The following FUT8 variants were observed in gnomAD, a reference collection of about 807,000 sequenced individuals.
The protein encoded by FUT8 is fucosyltransferase 8.
In FUT8, 29 loss-of-function variants were observed where a neutral mutation model predicts 71.3. The observed-to-expected ratio is 0.41, with a 90% CI of 0.30 to 0.55. The LOEUF is 0.55. Among genes scored for constraint, FUT8 ranks in the 20% least tolerant of loss-of-function variants. The pLI, the probability that FUT8 is intolerant of heterozygous loss-of-function variation, is 0.34. For synonymous variants in FUT8, 254 were observed against 239.3 expected, an observed-to-expected ratio of 1.06 and a Z score of -0.57; for missense variants, 544 against 702.1, an observed-to-expected ratio of 0.77 and a Z score of 2.55.
At chr14:65,567,890 T>A (rs1886276920) in intron 3 of FUT8, among the ~76,000 whole-genome samples, 3 of 151,952 alleles carry the variant, frequency 2.0e-5, no homozygotes, top group African/African-American at 7.2e-5. Flanking sequence ...GATTTTTCCT[T>A]CTTGTGATGT....
chr14:65,416,500 C>A (rs1363983547), intron 1 of FUT8, among the ~76,000 whole-genome samples: 1 of 152,052 alleles, frequency 6.6e-6, no homozygotes, highest in Non-Finnish European at 1.5e-5. Flanking sequence ...TCTGTTGATA[C>A]TTTTCAAAGG....
chr14:65,617,218 C>T (rs1256651565), intron 5 of FUT8: 1 of 1,502,104 alleles, frequency 6.7e-7, no homozygotes. Context: ...TTATTAACAT[C>T]AGCAGCAATA....
At chr14:65,478,248 G>T (rs1566773307) in intron 2 of FUT8, among the ~76,000 whole-genome samples, 1 of 151,924 alleles carries the variant, frequency 6.6e-6, no homozygotes, top group African/African-American at 2.4e-5. Context: ...AGTCCCCAAG[G>T]CCCCCCAGTG....
chr14:65,492,498 C>T (rs2066496703), intron 2 of FUT8, among the ~76,000 whole-genome samples: 1 of 152,132 alleles, frequency 6.6e-6, no homozygotes, highest in Non-Finnish European at 1.5e-5. Flanking sequence ...ATGTCACTTC[C>T]TTTTTCTGTA....
intron 3 of FUT8, among the ~76,000 whole-genome samples, chr14:65,611,279 ACACACACACACACACACACACACC>A (rs1194158388): frequency 0.04 from 2,094 of 51,914 alleles, 282 homozygotes; most frequent in Admixed American, 0.053. Flanking sequence ...ACACACACAC[ACACACACACACACACACACACACC>A]CCCCAAGTAA....
intron 1 of FUT8, among the ~76,000 whole-genome samples, chr14:65,448,415 G>A (rs907332161): frequency 6.6e-6 from 1 of 152,136 alleles, no homozygotes; most frequent in African/African-American, 2.4e-5. Context: ...CTACTTTCCA[G>A]CTAAGATTTA....
At chr14:65,494,274 T>G (rs2066526176) in intron 2 of FUT8, among the ~76,000 whole-genome samples, 1 of 152,204 alleles carries the variant, frequency 6.6e-6, no homozygotes, top group Admixed American at 6.6e-5. Context: ...AGTTTTACAT[T>G]CTTTTATTCA....
chr14:65,507,208 C>T (rs966849310), intron 2 of FUT8, among the ~76,000 whole-genome samples: 16 of 152,148 alleles, frequency 1.1e-4, no homozygotes, highest in African/African-American at 3.9e-4. Context: ...TCCTTTATTA[C>T]TAGTTTAATT....
At chr14:65,633,004 T>C (rs866354216) in intron 6 of FUT8, among the ~76,000 whole-genome samples, 3,315 of 77,152 alleles carry the variant, frequency 0.043, 6 homozygotes, top group African/African-American at 0.052. Flanking sequence ...CCCTCTCCCC[T>C]CCCCCCCCCC....
rs776689040 is a variant in FUT8 at position 65,724,189 on chromosome 14, C to T, written c.1125C>T (p.Ala375=). 8 of 1,607,334 alleles carry T rather than the reference C, an allele frequency of 5.0e-6. No individual in the cohort carries two copies. The highest frequency in any genetic ancestry group is 4.5e-5 in the East Asian group (2 of 44,596). The change falls in exon 9 of 11, where the codon GCC becomes GCT. Residue 375 remains alanine, a synonymous_variant. Coordinates refer to ENST00000673929, the MANE Select transcript of FUT8 (RefSeq NM_001371533.1). ...CAGACAAAGTGGGAACAGAAGCTGCCTTCCATCCCATTGAAGAGTACATGG... is the reference window on the plus strand; with the variant it reads ...CAGACAAAGTGGGAACAGAAGCTGCTTTCCATCCCATTGAAGAGTACATGG... ...RRTDKVGTEA[A]FHPIEEYMVH... is the part of the protein sequence containing the mutation.
At chr14:65,571,189 C>T (rs1180110108) in intron 3 of FUT8, among the ~76,000 whole-genome samples, 1 of 152,000 alleles carries the variant, frequency 6.6e-6, no homozygotes, top group Non-Finnish European at 1.5e-5. Flanking sequence ...TGTCAGTAAT[C>T]TTTTTCAATG....
the FUT8 span, among the ~76,000 whole-genome samples, chr14:65,364,147 C>G: frequency 6.6e-6 from 1 of 152,304 alleles, no homozygotes; most frequent in South Asian, 2.1e-4. Flanking sequence ...CAGTAACCAT[C>G]TTTCCTACCT....
chr14:65,603,060 A>G lies in FUT8; in HGVS notation c.204-12918A>G, dbSNP rs1412427239. Among the ~76,000 whole-genome samples the G allele has an allele frequency of 6.6e-6, 1 of 151,838 alleles. No individual in the cohort carries two copies. The highest frequency in any genetic ancestry group is 1.5e-5 in the Non-Finnish European group (1 of 67,914). Reference sequence around the variant, plus strand: ...TGCTTTTGAAGTCTTCGCCTAAGCCAATGTCTAGAAGGATTTTTTCCGATG... The same window carrying G: ...TGCTTTTGAAGTCTTCGCCTAAGCCGATGTCTAGAAGGATTTTTTCCGATG... On this transcript the variant is annotated intron_variant, in intron 3 of 10. Coordinates refer to ENST00000673929, the MANE Select transcript of FUT8 (RefSeq NM_001371533.1). The surrounding 1 kb of genome is among the most constrained non-coding windows in gnomAD (Gnocchi z 4.5).
chr14:65,562,143 C>T (rs1885947502), intron 3 of FUT8, among the ~76,000 whole-genome samples: 1 of 152,042 alleles, frequency 6.6e-6, no homozygotes, highest in Non-Finnish European at 1.5e-5. Flanking sequence ...ATAATTTCTC[C>T]ATAGTGGCAT....
At chr14:65,477,413 T>C (rs573616827) in intron 2 of FUT8, among the ~76,000 whole-genome samples, 52 of 152,348 alleles carry the variant, frequency 3.4e-4, no homozygotes, top group African/African-American at 1.1e-3. Context: ...GAGCTAAGAC[T>C]AGATGCTCAG....
chr14:65,582,786 A>G (rs928554572), intron 3 of FUT8, among the ~76,000 whole-genome samples: 3 of 152,182 alleles, frequency 2.0e-5, no homozygotes, highest in East Asian at 1.9e-4. Context: ...TGGCGTCTTT[A>G]ATAAAGTGAA....
chr14:65,600,837 G>T (rs1007468458), intron 3 of FUT8, among the ~76,000 whole-genome samples: 1 of 152,080 alleles, frequency 6.6e-6, no homozygotes, highest in African/African-American at 2.4e-5. Flanking sequence ...ATCACTCATT[G>T]CCCTGATTTG....
upstream of FUT8, chr14:65,411,778 C>T (rs1029105188): frequency 1.0e-4 from 35 of 333,734 alleles, no homozygotes; most frequent in Non-Finnish European, 5.8e-5. Context: ...ACGGGAAGCT[C>T]ATCTTCCGGC....
chr14:65,673,178 G>A (rs113419424), intron 7 of FUT8, among the ~76,000 whole-genome samples: 15 of 152,330 alleles, frequency 9.8e-5, no homozygotes, highest in African/African-American at 3.4e-4. Context: ...GTAGATGACC[G>A]TTTGGTATAT....
Sources: allele counts gnomAD v4.1 joint callset (sites outside exome capture counted in the v4.1 genomes callset), GRCh38; gene constraint gnomAD v4.1.1; non-coding constraint Gnocchi (gnomAD v3.1); transcripts MANE v1.5; gene names NCBI Gene and HGNC (gene_info 2026-07-23, HGNC 2026-07-21).